The following TPD52L1 variants were observed in gnomAD, a reference collection of about 807,000 sequenced individuals.
TPD52L1 encodes the protein TPD52 like 1.
Under a neutral mutation model 28.7 loss-of-function variants are expected in TPD52L1, and 18 were observed. The observed-to-expected ratio is 0.63, with a 90% CI of 0.43 to 0.93. TPD52L1 has a LOEUF of 0.93. Among genes scored for constraint, TPD52L1 ranks in the 40% least tolerant of loss-of-function variants. The pLI is 0.00. For missense variants in TPD52L1, 203 were observed against 254.8 expected (o/e 0.80, Z 1.39); for synonymous variants, 75 against 88.8 (o/e 0.84, Z 0.88).
Position 125,232,038 on chromosome 6 carries a change from T to G in TPD52L1, c.284+2772T>G, listed in dbSNP as rs970824760. ...TAATTCGTTTTGGCTCCGTAAAGTC[T>G]GAAATGCCCAATAGATAAACAGATT... On this transcript the variant is annotated intron_variant, in intron 3 of 6. Transcript: ENST00000534000. Among the ~76,000 whole-genome samples, 5 of 152,208 alleles carry G rather than the reference T, an allele frequency of 3.3e-5. No individual in the cohort carries two copies. In the East Asian group the frequency reaches 9.6e-4, roughly 29 times the overall value.
chr6:125,221,281 G>A (rs1262640194), intron 2 of TPD52L1, among the ~76,000 whole-genome samples: 1 of 152,160 alleles, frequency 6.6e-6, no homozygotes, highest in Non-Finnish European at 1.5e-5. Flanking sequence ...TCTGTCTGTG[G>A]CCACTGAGTG....
intron 3 of TPD52L1, among the ~76,000 whole-genome samples, chr6:125,236,253 G>C (rs774088267): frequency 2.0e-5 from 3 of 152,120 alleles, no homozygotes; most frequent in Non-Finnish European, 4.4e-5. Context: ...TACCTGTATA[G>C]CTGAATTTTA....
intron 1 of TPD52L1, among the ~76,000 whole-genome samples, chr6:125,171,904 C>T (rs1791321820): frequency 6.6e-6 from 1 of 151,976 alleles, no homozygotes; most frequent in Non-Finnish European, 1.5e-5. Context: ...GGGCAGGGCT[C>T]CGTGTGAGAG....
At chr6:125,187,312 G>T (rs1238758044) in intron 1 of TPD52L1, among the ~76,000 whole-genome samples, 1 of 152,174 alleles carries the variant, frequency 6.6e-6, no homozygotes, top group African/African-American at 2.4e-5. Flanking sequence ...GATAGAGAAA[G>T]AGTAGTTTCA....
chr6:125,197,303 AG>A (rs1335939767), intron 1 of TPD52L1, among the ~76,000 whole-genome samples: 2 of 152,198 alleles, frequency 1.3e-5, no homozygotes, highest in Non-Finnish European at 2.9e-5. Context: ...TCATCTTGGT[AG>A]GTCTGTTCTC....
rs764669968 is a variant in TPD52L1, at chr6:125,229,199, A to G, written c.217A>G (p.Met73Val). ...AGTTGAGATAAAACAAAAACTCGGC[A>G]TGAACCTGATGAATGAATTAAAACA... The part of the protein sequence containing the change: ...HLVEIKQKLG[M>V]NLMNELKQNF... The change falls in exon 3 of 7, where the codon ATG (methionine) becomes GTG (valine). Residue 73 changes from methionine (M) to valine (V), a missense_variant. Coordinates refer to ENST00000534000, the MANE Select transcript of TPD52L1 (RefSeq NM_003287.4). The G allele has an allele frequency of 5.8e-5, 93 of 1,613,728 alleles. No homozygotes were observed. The highest frequency in any genetic ancestry group is 7.0e-5 in the Non-Finnish European group (83 of 1,179,856).
intron 1 of TPD52L1, 27 bp downstream of exon 1, chr6:125,153,997 G>T: frequency 3.7e-6 from 6 of 1,600,022 alleles, no homozygotes; most frequent in Non-Finnish European, 5.1e-6. Flanking sequence ...CGCCCCGAGA[G>T]TCAGGTCCTG....
intron 5 of TPD52L1, among the ~76,000 whole-genome samples, chr6:125,255,662 C>A (rs1015593714): frequency 5.9e-5 from 9 of 152,184 alleles, no homozygotes; most frequent in Non-Finnish European, 1.2e-4. Context: ...CTTCATTCTG[C>A]ACCACATAAT....
At chr6:125,169,185 A>G (rs73771232) in intron 1 of TPD52L1, among the ~76,000 whole-genome samples, 1,928 of 152,148 alleles carry the variant, frequency 0.013, 39 homozygotes, top group African/African-American at 0.044. Context: ...GATACTGAAC[A>G]GTTCTCCTCC....
At chr6:125,221,133 A>G (rs1039867183) in intron 2 of TPD52L1, among the ~76,000 whole-genome samples, 1 of 152,180 alleles carries the variant, frequency 6.6e-6, no homozygotes, top group African/African-American at 2.4e-5. Flanking sequence ...ACAGCTCAGA[A>G]TAATATTAAA....
intron 2 of TPD52L1, 111 bp downstream of exon 2, chr6:125,220,304 T>C: frequency 1.4e-6 from 1 of 689,820 alleles, no homozygotes; most frequent in African/African-American, 1.8e-5. Context: ...TTGTCTTTCA[T>C]TTAATAAAAT....
chr6:125,217,324 T>C (rs1480551750), intron 1 of TPD52L1, among the ~76,000 whole-genome samples: 1 of 152,196 alleles, frequency 6.6e-6, no homozygotes, highest in Non-Finnish European at 1.5e-5. Context: ...GAAATAATTA[T>C]ACAACTCACC....
chr6:125,211,256 G>GATCT (rs1246351062), intron 1 of TPD52L1, among the ~76,000 whole-genome samples: 7 of 124,130 alleles, frequency 5.6e-5, no homozygotes, highest in Non-Finnish European at 1.2e-4. Flanking sequence ...TAGATATATG[G>GATCT]ATCTGTCTAT....
intron 1 of TPD52L1, among the ~76,000 whole-genome samples, chr6:125,206,258 A>G (rs1794128095): frequency 6.6e-6 from 1 of 152,202 alleles, no homozygotes; most frequent in African/African-American, 2.4e-5. Context: ...TTCTTCATAA[A>G]GTGTTTAACC....
intron 1 of TPD52L1, among the ~76,000 whole-genome samples, chr6:125,168,708 G>T (rs1358143611): frequency 6.6e-6 from 1 of 151,992 alleles, no homozygotes; most frequent in Non-Finnish European, 1.5e-5. Context: ...AGTAGAGATG[G>T]GGTTTCACCA....
At chr6:125,246,014 C>G (rs1305985357) in intron 3 of TPD52L1, among the ~76,000 whole-genome samples, 1 of 152,208 alleles carries the variant, frequency 6.6e-6, no homozygotes, top group Admixed American at 6.5e-5. Flanking sequence ...TTCTTTCACC[C>G]CATGACCCCT....
intron 2 of TPD52L1, among the ~76,000 whole-genome samples, chr6:125,224,431 G>A (rs1277886488): frequency 2.0e-5 from 3 of 150,390 alleles, no homozygotes; most frequent in East Asian, 2.0e-4. Flanking sequence ...TCAAGCTAAC[G>A]GTGTCTTACA....
intron 1 of TPD52L1, among the ~76,000 whole-genome samples, chr6:125,164,853 G>A (rs1480761823): frequency 6.6e-6 from 1 of 151,972 alleles, no homozygotes; most frequent in African/African-American, 2.4e-5. Context: ...ATCTGCCTCA[G>A]TCATTGATCA....
intron 1 of TPD52L1, among the ~76,000 whole-genome samples, chr6:125,173,585 G>C (rs530000586): frequency 6.6e-6 from 1 of 152,198 alleles, no homozygotes; most frequent in Non-Finnish European, 1.5e-5. Context: ...GTCGCCCTTG[G>C]AGATCCTGCC....
Sources: gnomAD v4.1 joint callset for allele counts (sites outside exome capture counted in the v4.1 genomes callset) on GRCh38, gnomAD v4.1.1 for gene constraint, MANE v1.5 for transcripts, NCBI Gene and HGNC (gene_info 2026-07-23, HGNC 2026-07-21) for gene names.